EYS: variants seen among roughly 807,000 people sequenced by gnomAD.
The protein encoded by EYS is EGF-like photoreceptor maintenance factor.
A neutral mutation model predicts 282.1 loss-of-function variants in EYS; 250 were observed. The ratio of observed to expected loss-of-function variants is 0.89; its 90% CI spans 0.80 to 0.98. EYS has a LOEUF of 0.98. Among genes scored for constraint, EYS ranks in the 50% least tolerant of loss-of-function variants. The pLI is 0.00. For synonymous variants in EYS, 1,355 were observed against 1,282.9 expected (o/e 1.06, Z -1.20); for missense variants, 4,016 against 3,709.0 (o/e 1.08, Z -2.15).
intron 28 of EYS, among the ~76,000 whole-genome samples, chr6:64,427,240 T>G (rs531212454): frequency 1.3e-5 from 2 of 152,320 alleles, no homozygotes; most frequent in African/African-American, 4.8e-5. Flanking sequence ...ATGGACTTAA[T>G]GTATTCATTT....
chr6:65,273,579 A>G (rs1470660900), intron 12 of EYS, among the ~76,000 whole-genome samples: 7 of 152,158 alleles, frequency 4.6e-5, no homozygotes, highest in Non-Finnish European at 1.5e-5. Flanking sequence ...TTTGAAGGGG[A>G]AAAAAAGAGA....
chr6:63,852,136 G>A (rs1261619996), intron 36 of EYS, among the ~76,000 whole-genome samples: 11 of 108,884 alleles, frequency 1.0e-4, no homozygotes, highest in Admixed American at 2.6e-4. Flanking sequence ...CAGCCTGGGC[G>A]ACAGAGCGAG....
chr6:64,964,033 C>T (rs1028567549), intron 14 of EYS, among the ~76,000 whole-genome samples: 32 of 152,006 alleles, frequency 2.1e-4, no homozygotes, highest in Non-Finnish European at 4.1e-4. Flanking sequence ...TGGTTATCAA[C>T]TGGATTTTAT....
At chr6:64,652,622 T>C (rs1324793794) in intron 22 of EYS, among the ~76,000 whole-genome samples, 1 of 152,202 alleles carries the variant, frequency 6.6e-6, no homozygotes, top group African/African-American at 2.4e-5. Flanking sequence ...ACTTCTAGTC[T>C]ACAAAAACTG....
chr6:64,477,326 C>T (rs1485253909), intron 26 of EYS, among the ~76,000 whole-genome samples: 1 of 152,108 alleles, frequency 6.6e-6, no homozygotes, highest in Non-Finnish European at 1.5e-5. Flanking sequence ...AGGGACATAA[C>T]TCATATTTTA....
rs1472639226 is a variant in EYS, at chr6:65,443,246, A to G, written c.863-37879T>C. On this transcript the variant is annotated intron_variant, in intron 5 of 42. Transcript: ENST00000503581. Reference sequence around the variant, plus strand: ...CACATGTATGTGAACATATAGACATATGTGTATACATATATGCAAACATAT... The same window carrying G: ...CACATGTATGTGAACATATAGACATGTGTGTATACATATATGCAAACATAT... Among the ~76,000 whole-genome samples, 3 of 151,648 alleles carry G rather than the reference A, an allele frequency of 2.0e-5. 1 individual carries two copies. Among genetic ancestry groups the G allele is most frequent in the East Asian group, 1.9e-4 (1 of 5,134 alleles).
intron 31 of EYS, among the ~76,000 whole-genome samples, chr6:64,190,744 G>T (rs1479084809): frequency 1.3e-5 from 2 of 151,988 alleles, no homozygotes; most frequent in African/African-American, 2.4e-5. Context: ...GATGTGTTAG[G>T]GTAGGATCAT....
intron 33 of EYS, among the ~76,000 whole-genome samples, chr6:64,015,527 G>T (rs1562151754): frequency 6.6e-6 from 1 of 151,950 alleles, no homozygotes; most frequent in East Asian, 1.9e-4. Context: ...AGAAAAAATT[G>T]GTAACACAAT....
chr6:64,918,632 A>G (rs770081582), intron 15 of EYS, among the ~76,000 whole-genome samples: 1 of 152,196 alleles, frequency 6.6e-6, no homozygotes, highest in Admixed American at 6.5e-5. Context: ...TTTGAGATAT[A>G]TTTCTGATGT....
intron 22 of EYS, among the ~76,000 whole-genome samples, chr6:64,729,271 GAA>G (rs1158139567): frequency 6.6e-6 from 1 of 152,134 alleles, no homozygotes; most frequent in African/African-American, 2.4e-5. Context: ...ATTGTATCAA[GAA>G]ACCCAAGTGA....
chr6:63,879,656 C>A (rs1398233476), intron 35 of EYS, among the ~76,000 whole-genome samples: 2 of 152,222 alleles, frequency 1.3e-5, no homozygotes, highest in East Asian at 3.9e-4. Flanking sequence ...ATCTGTTCAT[C>A]CTGGGGACAG....
In EYS at chr6:65,048,585, C is replaced by T. The variant is rs142521892; in HGVS notation, c.2137+9029G>A. ...TCTTTTTGACTGGTGATTTATAAAA[C>T]GATAGTCCTTCTAGAACTTTCTCCT... is the stretch of plus-strand genomic sequence containing the variant. On this transcript the variant is annotated intron_variant, in intron 13 of 42. Transcript: ENST00000503581. 3.3e-3 allele frequency among the ~76,000 whole-genome samples: 508 copies of T among 151,874 alleles called. 5 individuals carry two copies. Among genetic ancestry groups the T allele is most frequent in the African/African-American group, 0.012 (482 of 41,474 alleles).
intron 29 of EYS, among the ~76,000 whole-genome samples, chr6:64,338,684 T>A (rs1770962090): frequency 6.6e-6 from 1 of 151,908 alleles, no homozygotes; most frequent in African/African-American, 2.4e-5. Context: ...AAAGCAAGAC[T>A]GAGGAAAAAT....
chr6:64,750,096 T>A (rs558919867), intron 22 of EYS, among the ~76,000 whole-genome samples: 14 of 152,230 alleles, frequency 9.2e-5, no homozygotes, highest in African/African-American at 3.4e-4. Flanking sequence ...AAACTCCACT[T>A]TTTGTGAACA....
intron 33 of EYS, among the ~76,000 whole-genome samples, chr6:64,034,743 G>T (rs1770027982): frequency 6.6e-6 from 1 of 152,038 alleles, no homozygotes; most frequent in Non-Finnish European, 1.5e-5. Flanking sequence ...GAGTTATTAG[G>T]CCAGGAAATA....
At chr6:65,237,262 A>G (rs542106217) in intron 12 of EYS, among the ~76,000 whole-genome samples, 6 of 152,336 alleles carry the variant, frequency 3.9e-5, no homozygotes, top group Admixed American at 2.6e-4. Flanking sequence ...ATTCAAACAT[A>G]TACAAGTCAG....
At chr6:63,781,871 A>T (rs1353033418) in intron 39 of EYS, among the ~76,000 whole-genome samples, 1 of 152,130 alleles carries the variant, frequency 6.6e-6, no homozygotes, top group Non-Finnish European at 1.5e-5. Flanking sequence ...ATTCAGTATG[A>T]TATTGGCTGT....
At chr6:63,810,950 T>G (rs1771032088) in intron 36 of EYS, among the ~76,000 whole-genome samples, 2 of 152,178 alleles carry the variant, frequency 1.3e-5, no homozygotes, top group Non-Finnish European at 2.9e-5. Context: ...AATCTTTAAT[T>G]TTTATCCATA....
At chr6:65,664,825 C>A (rs1056266793) in intron 1 of EYS, among the ~76,000 whole-genome samples, 9 of 152,088 alleles carry the variant, frequency 5.9e-5, no homozygotes, top group African/African-American at 2.2e-4. Flanking sequence ...ACTAAGGTAT[C>A]TGATCACCAT....
Sources: allele counts gnomAD v4.1 joint callset (sites outside exome capture counted in the v4.1 genomes callset), GRCh38; gene constraint gnomAD v4.1.1; transcripts MANE v1.5; gene names NCBI Gene and HGNC (gene_info 2026-07-23, HGNC 2026-07-21).